The following EFCAB11 variants were observed in gnomAD, a reference collection of about 807,000 sequenced individuals.
EFCAB11 encodes EF-hand calcium-binding domain-containing protein 11.
EFCAB11 carries 14 observed loss-of-function variants against 23.0 expected under a neutral mutation model. The observed-to-expected ratio is 0.61, with a 90% confidence interval of 0.40 to 0.95. The LOEUF is 0.95. EFCAB11 is among the 40% of genes least tolerant of loss of function. The pLI is 0.00. For synonymous variants in EFCAB11, 65 were observed against 66.6 expected (o/e 0.98, Z 0.11); for missense variants, 198 against 195.8 (o/e 1.01, Z -0.07).
chr14:89,941,704 C>T (rs542352722), intron 3 of EFCAB11, among the ~76,000 whole-genome samples: 7 of 151,776 alleles, frequency 4.6e-5, no homozygotes, highest in African/African-American at 1.7e-4. Flanking sequence ...GTGCATACCG[C>T]CATGAATGGC....
intron 5 of EFCAB11, among the ~76,000 whole-genome samples, chr14:89,901,091 A>T (rs1019374774): frequency 2.6e-5 from 4 of 152,216 alleles, no homozygotes; most frequent in African/African-American, 7.2e-5. Flanking sequence ...TTAAAAGCAT[A>T]TATATTTGTA....
intron 3 of EFCAB11, among the ~76,000 whole-genome samples, chr14:89,937,192 A>T (rs938337391): frequency 6.6e-6 from 1 of 152,062 alleles, no homozygotes; most frequent in Non-Finnish European, 1.5e-5. Flanking sequence ...GGGTCATTAG[A>T]CTCTATCAAT....
At chr14:89,867,998 A>G (rs1455704377) in intron 5 of EFCAB11, among the ~76,000 whole-genome samples, 1 of 152,254 alleles carries the variant, frequency 6.6e-6, no homozygotes, top group Non-Finnish European at 1.5e-5. Flanking sequence ...ACGATGCCTC[A>G]TGGGCGAACC....
Position 89,912,263 on chromosome 14 carries a change from C to T in EFCAB11, c.410+19278G>A, listed in dbSNP as rs557747187. ...AAAAAAAAATCCTGAACTTTATTGG[C>T]CTTTAAAGAGAAAAAGGATCTCTAT... is the stretch of plus-strand genomic sequence containing the variant. On this transcript the variant is annotated intron_variant, in intron 5 of 5. Coordinates refer to ENST00000316738, the MANE Select transcript of EFCAB11 (RefSeq NM_145231.4). Among the ~76,000 whole-genome samples, 3 of 152,264 alleles carry T rather than the reference C, an allele frequency of 2.0e-5. No homozygotes were observed. The East Asian group carries it at 5.8e-4, about 29-fold the overall frequency.
At chr14:89,798,446 G>T (rs1170106830) in intron 5 of EFCAB11, among the ~76,000 whole-genome samples, 1 of 152,178 alleles carries the variant, frequency 6.6e-6, no homozygotes, top group Non-Finnish European at 1.5e-5. Context: ...TAAGGGATTA[G>T]AAATAATCAG....
chr14:89,878,813 G>A (rs1888517628), intron 5 of EFCAB11, among the ~76,000 whole-genome samples: 1 of 151,712 alleles, frequency 6.6e-6, no homozygotes, highest in Admixed American at 6.6e-5. Context: ...TTCTTTCTTG[G>A]CTCTTCTCAT....
intron 5 of EFCAB11, among the ~76,000 whole-genome samples, chr14:89,826,391 CAG>C (rs1020200467): frequency 4.0e-5 from 6 of 150,434 alleles, no homozygotes; most frequent in African/African-American, 1.5e-4. Flanking sequence ...ACTCCCAGGC[CAG>C]AGAGAGCTAG....
intron 5 of EFCAB11, among the ~76,000 whole-genome samples, chr14:89,819,808 CA>C (rs1434518919): frequency 2.5e-4 from 38 of 151,882 alleles, no homozygotes; most frequent in African/African-American, 9.0e-4. Flanking sequence ...GTATACATAC[CA>C]AAAATTATTC....
At chr14:89,881,452 C>CGCATATATATATATATATATATATATAT (rs1555374291) in intron 5 of EFCAB11, among the ~76,000 whole-genome samples, 2 of 46,760 alleles carry the variant, frequency 4.3e-5, no homozygotes, top group South Asian at 5.5e-4. Context: ...TATGACTTGG[C>CGCATATATATATATATATATATATATAT]ATATATATAT....
At chr14:89,859,317 A>G (rs1566786996) in intron 5 of EFCAB11, among the ~76,000 whole-genome samples, 1 of 152,244 alleles carries the variant, frequency 6.6e-6, no homozygotes, top group Non-Finnish European at 1.5e-5. Flanking sequence ...ACTTTTCTCT[A>G]GAGTTAAATT....
intron 5 of EFCAB11, among the ~76,000 whole-genome samples, chr14:89,841,920 C>T (rs540093110): frequency 2.6e-5 from 4 of 152,200 alleles, no homozygotes; most frequent in African/African-American, 7.2e-5. Context: ...TTCAGAACAA[C>T]GCATCGGAGT....
chr14:89,822,948 A>G (rs1886573218), intron 5 of EFCAB11, among the ~76,000 whole-genome samples: 1 of 152,216 alleles, frequency 6.6e-6, no homozygotes, highest in African/African-American at 2.4e-5. Context: ...TCTTTAAAAG[A>G]AGACATCAAA....
chr14:89,884,787 T>C (rs2140179881), intron 5 of EFCAB11, among the ~76,000 whole-genome samples: 1 of 152,360 alleles, frequency 6.6e-6, no homozygotes, highest in Non-Finnish European at 1.5e-5. Context: ...GTGACAGTAT[T>C]TGGAGGTGGT....
At position 89,797,258 on chromosome 14, in the gene EFCAB11, T is replaced by C. The variant is rs564589256; in HGVS notation, c.477A>G (p.Gly159=). The change falls in exon 6 of 6, where the codon GGA becomes GGG. Residue 159 remains glycine, a synonymous_variant. Transcript: ENST00000316738. ...TTCACAATAGTTAGGCTTCCTTCTG[T>C]CCATAGTTCAGGGCATATTCAAAGT... ...FRDFEYALNY[G]QKEA is the part of the protein sequence containing the mutation. The C allele has an allele frequency of 6.2e-7, 1 of 1,613,466 alleles. No homozygotes were observed. Among genetic ancestry groups the C allele is most frequent in the African/African-American group, 1.3e-5 (1 of 75,032 alleles).
At chr14:89,936,411 T>C (rs1425844727) in intron 3 of EFCAB11, among the ~76,000 whole-genome samples, 1 of 152,228 alleles carries the variant, frequency 6.6e-6, no homozygotes, top group Non-Finnish European at 1.5e-5. Context: ...TAGCTTTTAC[T>C]AGGAGAAAAT....
At chr14:89,846,328 G>A (rs185098537) in intron 5 of EFCAB11, among the ~76,000 whole-genome samples, 1 of 152,290 alleles carries the variant, frequency 6.6e-6, no homozygotes, top group Non-Finnish European at 1.5e-5. Flanking sequence ...AGATTTCTTG[G>A]ACACCAATGA....
At chr14:89,836,378 G>A (rs1408174620) in intron 5 of EFCAB11, 4 of 341,504 alleles carry the variant, frequency 1.2e-5, no homozygotes. Flanking sequence ...AGGTACCTGG[G>A]ACCCTAGAAT....
At chr14:89,892,429 C>A in intron 5 of EFCAB11, 1 of 1,568,590 alleles carries the variant, frequency 6.4e-7, no homozygotes, top group East Asian at 2.2e-5. Flanking sequence ...AGCACCCAGG[C>A]CCATGCCAGT....
intron 5 of EFCAB11, among the ~76,000 whole-genome samples, chr14:89,859,592 A>G (rs1421133154): frequency 6.6e-6 from 1 of 152,228 alleles, no homozygotes; most frequent in Non-Finnish European, 1.5e-5. Flanking sequence ...AGGGTGGACA[A>G]TAATACAACA....
Sources: gnomAD v4.1 joint callset for allele counts (sites outside exome capture counted in the v4.1 genomes callset) on GRCh38, gnomAD v4.1.1 for gene constraint, MANE v1.5 for transcripts, NCBI Gene and HGNC (gene_info 2026-07-23, HGNC 2026-07-21) for gene names.